Variants in MPDZ observed in about 807,000 individuals in gnomAD.
The protein encoded by MPDZ is multiple PDZ domain crumbs cell polarity complex component.
MPDZ carries 234 observed loss-of-function variants against 239.1 expected under a neutral mutation model. The ratio of observed to expected loss-of-function variants is 0.98; its 90% CI spans 0.88 to 1.09. The LOEUF is 1.09. Among genes scored for constraint, MPDZ ranks in the 50% least tolerant of loss-of-function variants. The pLI, the probability that MPDZ is intolerant of heterozygous loss-of-function variation, is 0.00. For missense variants in MPDZ, 3,175 were observed against 2,510.0 expected (o/e 1.26, Z -5.66); for synonymous variants, 1,048 against 881.3 (o/e 1.19, Z -3.35).
intron 39 of MPDZ, 149 bp from the exon 40 acceptor site, chr9:13,115,483 G>A (rs1055647244): frequency 1.2e-5 from 8 of 642,972 alleles, no homozygotes; most frequent in African/African-American, 5.5e-5. Context: ...AATCCCTTGT[G>A]GAAAATGGCT....
At chr9:13,127,480 CAG>C (rs1304162485) in intron 32 of MPDZ, among the ~76,000 whole-genome samples, 2 of 152,128 alleles carry the variant, frequency 1.3e-5, no homozygotes, top group African/African-American at 2.4e-5. Flanking sequence ...AAAATTAAAA[CAG>C]AGTTTTTAAC....
intron 42 of MPDZ, among the ~76,000 whole-genome samples, 166 bp from the exon 43 acceptor site, chr9:13,112,312 C>T (rs1218287735): frequency 6.6e-6 from 1 of 152,128 alleles, no homozygotes; most frequent in Admixed American, 6.5e-5. Flanking sequence ...AGGTGCTTAG[C>T]GTGGCTTAGG....
chr9:13,106,935 G>A lies in MPDZ; in HGVS notation c.*30C>T. 1 of 1,611,856 alleles carries A rather than the reference G, an allele frequency of 6.2e-7. No homozygotes were observed. Reference sequence around the variant, plus strand: ...TCTTTACAGTAGGAGGTGAGCTAGGGGTTGGGTTGGTTCAATTCTGGCAGC... The same window carrying A: ...TCTTTACAGTAGGAGGTGAGCTAGGAGTTGGGTTGGTTCAATTCTGGCAGC... On this transcript the variant is annotated 3_prime_UTR_variant, in exon 47 of 47. Transcript: ENST00000319217.
chr9:13,113,578 G>C (rs925760164), intron 41 of MPDZ, among the ~76,000 whole-genome samples: 1 of 152,014 alleles, frequency 6.6e-6, no homozygotes, highest in Non-Finnish European at 1.5e-5. Context: ...TCAAATTTTT[G>C]CAATCTTCAT....
chr9:13,246,667 C>T (rs902779038), intron 3 of MPDZ, among the ~76,000 whole-genome samples: 1 of 152,078 alleles, frequency 6.6e-6, no homozygotes, highest in Non-Finnish European at 1.5e-5. Context: ...TTCATTCTCT[C>T]TTATTACTAT....
At chr9:13,210,899 G>T (rs1475171738) in intron 10 of MPDZ, among the ~76,000 whole-genome samples, 1 of 152,102 alleles carries the variant, frequency 6.6e-6, no homozygotes, top group Non-Finnish European at 1.5e-5. Context: ...CTGAACATCT[G>T]CCAGGCTCAC....
At chr9:13,127,901 C>G (rs553644012) in intron 32 of MPDZ, among the ~76,000 whole-genome samples, 1 of 152,152 alleles carries the variant, frequency 6.6e-6, no homozygotes, top group Non-Finnish European at 1.5e-5. Flanking sequence ...TTCTTACCTA[C>G]GAAATCTAGA....
At chr9:13,253,149 T>C (rs1244390061) in intron 1 of MPDZ, among the ~76,000 whole-genome samples, 1 of 151,880 alleles carries the variant, frequency 6.6e-6, no homozygotes, top group East Asian at 1.9e-4. Context: ...AAAACACTGT[T>C]GTCCAGAAGT....
At chr9:13,134,419 A>T (rs1381634740) in intron 31 of MPDZ, 1 of 152,254 alleles carries the variant, frequency 6.6e-6, no homozygotes, top group Non-Finnish European at 1.5e-5. Flanking sequence ...TAACCTAATT[A>T]TCTTAAATAA....
rs963803657 is a variant in MPDZ at position 13,252,522 on chromosome 9, C to T, written c.-57-2150G>A. Among the ~76,000 whole-genome samples, 4 of 146,068 alleles carry T rather than the reference C, an allele frequency of 2.7e-5. No homozygotes were observed. In the South Asian group the frequency reaches 6.5e-4, roughly 24 times the overall value. Reference sequence around the variant, plus strand: ...CGGAGGTTGCAGTGAGCCAAGATCGCGCCACAGCATTCCAGCCTGGCAACA... The same window carrying T: ...CGGAGGTTGCAGTGAGCCAAGATCGTGCCACAGCATTCCAGCCTGGCAACA... On this transcript the variant is annotated intron_variant, in intron 1 of 46. Transcript: ENST00000319217.
intron 1 of MPDZ, among the ~76,000 whole-genome samples, chr9:13,272,157 AAC>A (rs1215525479): frequency 1.3e-5 from 2 of 152,098 alleles, no homozygotes; most frequent in Non-Finnish European, 2.9e-5. Context: ...ACCACAATAA[AAC>A]AGTTAAACAA....
intron 32 of MPDZ, among the ~76,000 whole-genome samples, chr9:13,131,945 T>C (rs1440027666): frequency 1.3e-5 from 2 of 152,212 alleles, no homozygotes; most frequent in Non-Finnish European, 2.9e-5. Flanking sequence ...ATTAAAATCA[T>C]GGTTAATTGC....
intron 32 of MPDZ, among the ~76,000 whole-genome samples, chr9:13,132,144 G>T (rs1946089898): frequency 6.6e-6 from 1 of 152,174 alleles, no homozygotes; most frequent in African/African-American, 2.4e-5. Context: ...ATCTAATTTA[G>T]AAAGGGAAGT....
chr9:13,234,254 CAATAG>C (rs1242247108), intron 3 of MPDZ, among the ~76,000 whole-genome samples: 1 of 151,778 alleles, frequency 6.6e-6, no homozygotes, highest in Non-Finnish European at 1.5e-5. Context: ...AATTTTAACC[CAATAG>C]AATATTTTCA....
intron 10 of MPDZ, among the ~76,000 whole-genome samples, chr9:13,211,328 T>C (rs965355593): frequency 6.6e-6 from 1 of 152,104 alleles, no homozygotes; most frequent in Non-Finnish European, 1.5e-5. Context: ...GTTAAGATTA[T>C]ACCTAATAAA....
intron 27 of MPDZ, 134 bp from the exon 28 acceptor site, chr9:13,140,283 TGTATATA>T: frequency 4.0e-6 from 2 of 494,720 alleles, no homozygotes; most frequent in South Asian, 5.4e-5. Flanking sequence ...AGCTCATATA[TGTATATA>T]ATATATATAT....
chr9:13,229,650 A>C (rs1281969990), intron 3 of MPDZ, among the ~76,000 whole-genome samples: 1 of 151,932 alleles, frequency 6.6e-6, no homozygotes, highest in Non-Finnish European at 1.5e-5. Context: ...GTATAAAAGA[A>C]ATACCAGAGT....
At chr9:13,230,511 C>T (rs1477937554) in intron 3 of MPDZ, among the ~76,000 whole-genome samples, 1 of 152,038 alleles carries the variant, frequency 6.6e-6, no homozygotes, top group African/African-American at 2.4e-5. Flanking sequence ...TGAAGACAAG[C>T]CAATTTCTAA....
chr9:13,138,131 TC>T lies in MPDZ; in HGVS notation c.4025del (p.Gly1342GlufsTer3). 1 of 1,587,098 alleles carries T rather than the reference TC, an allele frequency of 6.3e-7. No homozygotes were observed. Among genetic ancestry groups the T allele is most frequent in the Non-Finnish European group, 8.6e-7 (1 of 1,167,432 alleles). ...YSWKNIRERY[G>X]TLTGELHMIE... ...TCATATGCAGCTCGCCTGTTAGGGT[TC>T]CATAACGCTCTCTGATATTTTCTAC... On this transcript the variant is annotated frameshift_variant, in exon 29 of 47. Coordinates refer to ENST00000319217, the MANE Select transcript of MPDZ (RefSeq NM_001378778.1). LOFTEE classifies it high-confidence loss of function.
Sources: gnomAD v4.1 joint callset for allele counts (sites outside exome capture counted in the v4.1 genomes callset) on GRCh38, gnomAD v4.1.1 for gene constraint, MANE v1.5 for transcripts, NCBI Gene and HGNC (gene_info 2026-07-23, HGNC 2026-07-21) for gene names.